SLC71A1: variants seen among roughly 807,000 people sequenced by gnomAD.
SLC71A1 encodes the protein solute carrier family 71 member 1.
At chr1:100,082,446 A>C in the SLC71A1 span, 2 of 516,946 alleles carry the variant, frequency 3.9e-6, no homozygotes, top group African/African-American at 3.8e-5. Flanking sequence ...CTTGCCACTA[A>C]GCTATTTGTT....
At chr1:100,081,706 G>T in the SLC71A1 span, among the ~76,000 whole-genome samples, 1 of 152,208 alleles carries the variant, frequency 6.6e-6, no homozygotes, top group East Asian at 1.9e-4. Flanking sequence ...TTCTATAAAC[G>T]TTTTCCCCTT....
the SLC71A1 span, chr1:100,061,999 T>G: frequency 1.9e-6 from 2 of 1,079,960 alleles, no homozygotes; most frequent in Non-Finnish European, 1.4e-6. Flanking sequence ...AATGCCTTGT[T>G]TTTAAGATAA....
the SLC71A1 span, chr1:100,078,646 G>C: frequency 1.2e-6 from 1 of 824,906 alleles, no homozygotes; most frequent in South Asian, 1.9e-5. Flanking sequence ...ATATCTTCAG[G>C]GTAGAGACTT....
chr1:100,074,118 G>C, the SLC71A1 span, among the ~76,000 whole-genome samples: 1,064 of 152,262 alleles, frequency 7.0e-3, 9 homozygotes, highest in African/African-American at 0.024. Context: ...GTCTTTTAGG[G>C]CTTTGGGTCA....
chr1:100,070,589 T>C, the SLC71A1 span, among the ~76,000 whole-genome samples: 3 of 152,182 alleles, frequency 2.0e-5, no homozygotes, highest in African/African-American at 7.2e-5. Context: ...ACACAGGAAT[T>C]TGGATTTTCT....
chr1:100,081,795 G>A, the SLC71A1 span, among the ~76,000 whole-genome samples: 6,299 of 152,258 alleles, frequency 0.041, 324 homozygotes, highest in African/African-American at 0.12. Flanking sequence ...CGCATAGGCT[G>A]TTTTGCCAGT....
chr1:100,044,445 C>T, the SLC71A1 span, among the ~76,000 whole-genome samples: 1 of 149,586 alleles, frequency 6.7e-6, no homozygotes, highest in South Asian at 2.1e-4. Context: ...GGGTACTAGT[C>T]CTTTGTCAGA....
chr1:100,070,844 C>G, the SLC71A1 span, among the ~76,000 whole-genome samples: 5 of 151,990 alleles, frequency 3.3e-5, no homozygotes, highest in Non-Finnish European at 5.9e-5. Flanking sequence ...TAGTTTTATT[C>G]TAGGGTATTT....
At chr1:100,052,424 CTTTT>C in the SLC71A1 span, among the ~76,000 whole-genome samples, 4 of 119,654 alleles carry the variant, frequency 3.3e-5, no homozygotes, top group African/African-American at 1.1e-4. Flanking sequence ...TAATATATTC[CTTTT>C]TTTTTTTTTT....
At chr1:100,065,015 G>A in the SLC71A1 span, among the ~76,000 whole-genome samples, 2 of 151,998 alleles carry the variant, frequency 1.3e-5, no homozygotes, top group Non-Finnish European at 1.5e-5. Context: ...TTCCACCTCA[G>A]CCTCCCGAGT....
chr1:100,058,340 C>T, the SLC71A1 span, among the ~76,000 whole-genome samples: 2 of 152,160 alleles, frequency 1.3e-5, no homozygotes, highest in Non-Finnish European at 2.9e-5. Context: ...CAAGTCTGAT[C>T]TCTTAGGTTC....
chr1:100,082,389 A>T, the SLC71A1 span: 1 of 582,386 alleles, frequency 1.7e-6, no homozygotes. Flanking sequence ...TTTTCCAAAG[A>T]TGTTACAATT....
chr1:100,038,646 C>T, the SLC71A1 span, among the ~76,000 whole-genome samples: 334 of 152,190 alleles, frequency 2.2e-3, 2 homozygotes, highest in Middle Eastern at 0.01. Flanking sequence ...CGGCGGCCCG[C>T]CCGCCGCGCC....
At chr1:100,072,949 A>C in the SLC71A1 span, among the ~76,000 whole-genome samples, 1 of 152,068 alleles carries the variant, frequency 6.6e-6, no homozygotes, top group Non-Finnish European at 1.5e-5. Flanking sequence ...CTGAGCTCCT[A>C]TATGACACAT....
chr1:100,062,723 G>A, the SLC71A1 span, among the ~76,000 whole-genome samples: 3 of 152,102 alleles, frequency 2.0e-5, no homozygotes, highest in African/African-American at 7.2e-5. Flanking sequence ...GGACGTTATA[G>A]TGAAGAATCA....
At chr1:100,077,429 T>C in the SLC71A1 span, 1,975 of 567,480 alleles carry the variant, frequency 3.5e-3, 37 homozygotes, top group African/African-American at 0.036. Flanking sequence ...GCCACTTGTA[T>C]ATTTATATGT....
At chr1:100,056,071 T>C in the SLC71A1 span, among the ~76,000 whole-genome samples, 3 of 152,198 alleles carry the variant, frequency 2.0e-5, no homozygotes, top group East Asian at 1.9e-4. Context: ...TATTTTCAAA[T>C]GTAGAATAAA....
At chr1:100,048,282 G>C in the SLC71A1 span, among the ~76,000 whole-genome samples, 1 of 151,918 alleles carries the variant, frequency 6.6e-6, no homozygotes, top group Non-Finnish European at 1.5e-5. Context: ...AGGTTCAAGC[G>C]ATTCTCCTGC....
At chr1:100,059,806 G>C in the SLC71A1 span, 1 of 1,344,226 alleles carries the variant, frequency 7.4e-7, no homozygotes, top group Admixed American at 2.6e-5. Context: ...TTTTCTATAG[G>C]AGTAAAATGA....
Sources: allele counts gnomAD v4.1 joint callset (sites outside exome capture counted in the v4.1 genomes callset), GRCh38; gene constraint gnomAD v4.1.1; transcripts MANE v1.5; gene names NCBI Gene and HGNC (gene_info 2026-07-23, HGNC 2026-07-21).